SSH2: variants seen among roughly 807,000 people sequenced by gnomAD.
SSH2 encodes slingshot protein phosphatase 2, also known as protein phosphatase Slingshot homolog 2.
SSH2 carries 37 observed loss-of-function variants against 135.2 expected under a neutral mutation model. The observed-to-expected ratio is 0.27, with a 90% CI of 0.21 to 0.36. SSH2 has a LOEUF of 0.36. SSH2 is among the 10% of genes least tolerant of loss of function. The pLI, the probability that SSH2 is intolerant of heterozygous loss-of-function variation, is 1.00. For missense variants in SSH2, 1,408 were observed against 1,765.3 expected, an observed-to-expected ratio of 0.80 and a Z score of 3.63; for synonymous variants, 628 against 646.2, an observed-to-expected ratio of 0.97 and a Z score of 0.43.
At chr17:29,761,094 T>G in intron 3 of SSH2, 1 of 1,286,066 alleles carries the variant, frequency 7.8e-7, no homozygotes, top group Admixed American at 2.3e-5. Context: ...AAGCGGCTGC[T>G]GAAAGAGCAA....
At chr17:29,841,624 C>A (rs2043042188) in intron 2 of SSH2, among the ~76,000 whole-genome samples, 1 of 152,218 alleles carries the variant, frequency 6.6e-6, no homozygotes, top group Non-Finnish European at 1.5e-5. Context: ...TTTTATCCTG[C>A]TGCTCAAGGA....
chr17:29,914,587 C>T (rs2066848943), intron 1 of SSH2, among the ~76,000 whole-genome samples: 1 of 150,426 alleles, frequency 6.6e-6, no homozygotes, highest in East Asian at 1.9e-4. Context: ...AACAAAAAAC[C>T]CCAAAGAGTA....
intron 2 of SSH2, among the ~76,000 whole-genome samples, chr17:29,806,843 A>G (rs1004624555): frequency 8.5e-5 from 13 of 152,200 alleles, no homozygotes; most frequent in Non-Finnish European, 1.8e-4. Flanking sequence ...TCCTACCTGT[A>G]TGCCTCTTTT....
intron 3 of SSH2, among the ~76,000 whole-genome samples, chr17:29,775,113 G>A (rs2041669636): frequency 6.6e-6 from 1 of 152,118 alleles, no homozygotes; most frequent in Non-Finnish European, 1.5e-5. Context: ...AACTTCCCTA[G>A]TTTCAATTTA....
intron 3 of SSH2, among the ~76,000 whole-genome samples, chr17:29,706,479 C>T (rs2039204437): frequency 6.6e-6 from 1 of 152,170 alleles, no homozygotes; most frequent in South Asian, 2.1e-4. Flanking sequence ...CAAGCCTTCT[C>T]TCTTGTTACA....
At chr17:29,664,898 G>A (rs890764283) in intron 11 of SSH2, among the ~76,000 whole-genome samples, 1 of 152,012 alleles carries the variant, frequency 6.6e-6, no homozygotes, top group African/African-American at 2.4e-5. Context: ...AGAGACACAG[G>A]GAAGCATGCA....
intron 11 of SSH2, among the ~76,000 whole-genome samples, chr17:29,659,630 T>C (rs1454969280): frequency 6.6e-6 from 1 of 152,164 alleles, no homozygotes; most frequent in Non-Finnish European, 1.5e-5. Context: ...TTCATGCCAT[T>C]CTCCTGCCTC....
chr17:29,908,367 A>G (rs1013779243), intron 1 of SSH2, among the ~76,000 whole-genome samples: 4 of 152,114 alleles, frequency 2.6e-5, no homozygotes, highest in African/African-American at 9.7e-5. Flanking sequence ...CTGACGTAGG[A>G]GGATCACTTG....
At chr17:29,732,735 C>T (rs2040239273) in intron 3 of SSH2, among the ~76,000 whole-genome samples, 1 of 152,056 alleles carries the variant, frequency 6.6e-6, no homozygotes, top group Non-Finnish European at 1.5e-5. Context: ...ATTACCTCAG[C>T]TGAGGGGAAA....
chr17:29,913,726 C>T (rs185200250), intron 1 of SSH2, among the ~76,000 whole-genome samples: 1 of 151,746 alleles, frequency 6.6e-6, no homozygotes, highest in Non-Finnish European at 1.5e-5. Context: ...CCTCTGCCTC[C>T]TGGGTTCAAG....
At chr17:29,919,123 TTTCTACTTC>T (rs1334763843) in intron 1 of SSH2, among the ~76,000 whole-genome samples, 1 of 152,166 alleles carries the variant, frequency 6.6e-6, no homozygotes, top group African/African-American at 2.4e-5. Flanking sequence ...AATATCAATC[TTTCTACTTC>T]TACTGTAAGC....
chr17:29,703,424 A>G (rs940336195), intron 3 of SSH2, among the ~76,000 whole-genome samples: 2 of 150,802 alleles, frequency 1.3e-5, no homozygotes, highest in African/African-American at 4.9e-5. Context: ...TAATTTTTGA[A>G]TATTAGTAGA....
At position 29,635,568 on chromosome 17, in the gene SSH2, T is replaced by A. The variant is rs571808355; in HGVS notation, c.2262+400A>T. 3.2e-4 allele frequency among the ~76,000 whole-genome samples: 49 copies of A among 151,608 alleles called. No homozygotes were observed. The South Asian group carries it at 9.8e-3, about 30-fold the overall frequency. On this transcript the variant is annotated intron_variant, in intron 15 of 15. Coordinates refer to ENST00000540801, the MANE Select transcript of SSH2 (RefSeq NM_001282129.2). ...TACAGGCGCCGCCCGCCACCACACC[T>A]GGCTAATTTTTTGTATTTTTTAGTA...
chr17:29,720,410 T>G (rs1356334978), intron 3 of SSH2, among the ~76,000 whole-genome samples: 1 of 152,238 alleles, frequency 6.6e-6, no homozygotes, highest in Non-Finnish European at 1.5e-5. Context: ...CTTACTAGGC[T>G]GAACATAAAA....
intron 1 of SSH2, among the ~76,000 whole-genome samples, chr17:29,904,578 T>C (rs912657190): frequency 6.6e-5 from 10 of 152,280 alleles, no homozygotes; most frequent in Admixed American, 2.0e-4. Context: ...AGCATTCCCC[T>C]TGAAAACCGG....
At chr17:29,640,801 T>A (rs1051059783) in intron 14 of SSH2, 5 of 152,190 alleles carry the variant, frequency 3.3e-5, no homozygotes, top group Non-Finnish European at 5.9e-5. Flanking sequence ...ATTTTGTGCT[T>A]ATCATTCCCT....
intron 1 of SSH2, among the ~76,000 whole-genome samples, chr17:29,874,264 C>T (rs1191835769): frequency 1.8e-5 from 2 of 110,722 alleles, no homozygotes; most frequent in Admixed American, 1.4e-4. Flanking sequence ...GCACTCCAGC[C>T]TGGGTGACAG....
At chr17:29,778,901 A>G (rs2041776494) in intron 3 of SSH2, among the ~76,000 whole-genome samples, 1 of 151,056 alleles carries the variant, frequency 6.6e-6, no homozygotes, top group African/African-American at 2.4e-5. Flanking sequence ...TGTTACTACT[A>G]AATAATCATT....
Position 29,631,024 on chromosome 17 carries a change from A to G in SSH2, c.4170T>C (p.Leu1390=). The change falls in exon 16 of 16, where the codon CTT becomes CTC. Residue 1390 remains leucine (L), a synonymous_variant. Transcript: ENST00000540801. ...GGCCTCCTTCAGAACTAGTCAATTC[A>G]AGTCCTGCCCTGGGGAGCAAATACT... ...SQQYLLPRAG[L]ELTSSEGGLP... The G allele has an allele frequency of 6.2e-7, 1 of 1,614,120 alleles. No homozygotes were observed. The highest frequency in any genetic ancestry group is 8.5e-7 in the Non-Finnish European group (1 of 1,179,956).
Sources: allele counts gnomAD v4.1 joint callset (sites outside exome capture counted in the v4.1 genomes callset), GRCh38; gene constraint gnomAD v4.1.1; transcripts MANE v1.5; gene names NCBI Gene and HGNC (gene_info 2026-07-23, HGNC 2026-07-21).